Variants in URI1 observed in about 807,000 individuals in gnomAD.
The protein encoded by URI1 is URI1 prefoldin like chaperone.
Under a neutral mutation model 60.2 loss-of-function variants are expected in URI1, and 39 were observed. The observed-to-expected ratio is 0.65, with a 90% confidence interval of 0.50 to 0.85. The LOEUF is 0.85. Ranked by LOEUF, URI1 falls within the 40% of genes least tolerant of loss-of-function variation. The pLI is 0.00. For synonymous variants in URI1, 251 were observed against 236.8 expected (o/e 1.06, Z -0.55); for missense variants, 691 against 665.9 (o/e 1.04, Z -0.42).
chr19:29,967,062 C>A (rs2055399951), intron 1 of URI1, among the ~76,000 whole-genome samples: 1 of 152,098 alleles, frequency 6.6e-6, no homozygotes, highest in Non-Finnish European at 1.5e-5. Flanking sequence ...GGTCTGTCAC[C>A]AATATAAATA....
intron 1 of URI1, among the ~76,000 whole-genome samples, chr19:29,950,752 C>T (rs189704482): frequency 2.0e-5 from 3 of 152,084 alleles, no homozygotes; most frequent in African/African-American, 7.2e-5. Flanking sequence ...TAAAAATGTC[C>T]TTTATAACTC....
chr19:29,924,850 T>G (rs1028036432), intron 1 of URI1, among the ~76,000 whole-genome samples: 2 of 152,256 alleles, frequency 1.3e-5, no homozygotes, highest in Non-Finnish European at 2.9e-5. Context: ...TTTTTAATTT[T>G]TTTTAGATGA....
intron 1 of URI1, among the ~76,000 whole-genome samples, chr19:29,965,309 G>T (rs1202957902): frequency 6.6e-6 from 1 of 152,144 alleles, no homozygotes; most frequent in African/African-American, 2.4e-5. Flanking sequence ...TGGGAGAAGG[G>T]CAGGGTTTCT....
intron 4 of URI1, among the ~76,000 whole-genome samples, chr19:29,992,667 A>G (rs970063032): frequency 1.3e-5 from 2 of 152,220 alleles, no homozygotes; most frequent in African/African-American, 4.8e-5. Context: ...TTTACTCTAA[A>G]TACTTGCTTT....
intron 4 of URI1, among the ~76,000 whole-genome samples, chr19:29,994,366 T>C (rs967535999): frequency 6.7e-6 from 1 of 150,224 alleles, no homozygotes; most frequent in Non-Finnish European, 1.5e-5. Context: ...ACCATCCATC[T>C]CCAGATATTT....
chr19:29,942,630 C>T lies in URI1; in HGVS notation c.83C>T (p.Pro28Leu), dbSNP rs2055045030. 1 of 1,467,490 alleles carries T rather than the reference C, an allele frequency of 6.8e-7. No homozygotes were observed. Among genetic ancestry groups the T allele is most frequent in the Non-Finnish European group, 9.0e-7 (1 of 1,113,642 alleles). 90.9% of individuals were successfully genotyped at this position (1,467,490 alleles called of 1,614,324 possible). A position where few individuals can be genotyped will look rare whatever the true frequency, so the allele number is the denominator to read the frequency against. The change falls in exon 1 of 11, where the codon CCG becomes CTG. Residue 28 changes from proline to leucine, a missense_variant. Transcript: ENST00000392271. ...PAPALVPLRA[P>L]DVARLREEQE... ...CCTGCCCTGGTTCCGTTGCGCGCCC[C>T]GGATGTGGCGCGGCTGCGCGAGGAG...
chr19:29,940,781 A>G (rs1472634214), upstream of URI1, among the ~76,000 whole-genome samples: 3 of 152,300 alleles, frequency 2.0e-5, no homozygotes, highest in African/African-American at 4.8e-5. Context: ...CTACAGGCAC[A>G]GGACTATGTG....
At chr19:29,928,747 A>G (rs1001731520) in intron 1 of URI1, among the ~76,000 whole-genome samples, 3 of 152,206 alleles carry the variant, frequency 2.0e-5, no homozygotes, top group Non-Finnish European at 4.4e-5. Flanking sequence ...CAAATATTAC[A>G]TGGACATACT....
At chr19:29,989,677 T>G (rs2055721141) in intron 4 of URI1, among the ~76,000 whole-genome samples, 1 of 152,188 alleles carries the variant, frequency 6.6e-6, no homozygotes, top group South Asian at 2.1e-4. Flanking sequence ...CGCCTTGTGG[T>G]CCACCCACCT....
intron 1 of URI1, among the ~76,000 whole-genome samples, chr19:29,966,016 G>C (rs1013993316): frequency 6.6e-6 from 1 of 152,210 alleles, no homozygotes; most frequent in African/African-American, 2.4e-5. Context: ...GAACATGTAA[G>C]TGTTTTCAGA....
chr19:29,967,534 G>A (rs547472964), intron 1 of URI1, among the ~76,000 whole-genome samples: 1 of 152,342 alleles, frequency 6.6e-6, no homozygotes, highest in African/African-American at 2.4e-5. Flanking sequence ...TATAATGTTA[G>A]TGAATTGGTG....
chr19:29,973,031 A>G (rs148906386), intron 2 of URI1, among the ~76,000 whole-genome samples: 3 of 152,292 alleles, frequency 2.0e-5, no homozygotes, highest in Non-Finnish European at 2.9e-5. Context: ...TACATGGTAT[A>G]TTGCTCAAAT....
rs1447814505 is a variant in URI1, at chr19:29,971,215, G to C, written c.140G>C (p.Arg47Thr). Residue 47 changes from arginine to threonine, a missense_variant, in exon 2 of 11, where the codon AGA becomes ACA. Physicochemically the swap from Arg to Thr is moderately conservative, Grantham distance 71. Coordinates refer to ENST00000392271, the MANE Select transcript of URI1 (RefSeq NM_003796.3). ...QEKVVTNCQE[R>T]IQHWKKVDND... ...CAGGTGGTCACTAACTGCCAAGAGA[G>C]AATCCAGCATTGGTGAGTGAAAGAT... The C allele has an allele frequency of 1.2e-6, 2 of 1,613,276 alleles. No individual in the cohort carries two copies. The highest frequency in any genetic ancestry group is 2.2e-5 in the South Asian group (2 of 91,042).
At chr19:29,940,685 G>A (rs1173714072), upstream of URI1, among the ~76,000 whole-genome samples, 1 of 152,092 alleles carries the variant, frequency 6.6e-6, no homozygotes, top group Admixed American at 6.6e-5. Context: ...CTGTTTGGAC[G>A]ACATCGCACA....
intron 3 of URI1, among the ~76,000 whole-genome samples, chr19:29,986,033 A>G (rs1325164816): frequency 1.3e-5 from 2 of 152,214 alleles, no homozygotes; most frequent in Non-Finnish European, 2.9e-5. Flanking sequence ...TTTAAGAGCT[A>G]TATGTAAATA....
chr19:30,004,894 C>T (rs966630498), intron 4 of URI1, among the ~76,000 whole-genome samples: 2 of 151,794 alleles, frequency 1.3e-5, no homozygotes, highest in Non-Finnish European at 2.9e-5. Flanking sequence ...GATTATATAC[C>T]GTAAAAAATG....
rs2056078764 is a variant in URI1 at position 30,015,790 on chromosome 19, CTGGAA to C, written c.*723_*727del. On this transcript the variant is annotated 3_prime_UTR_variant, in exon 11 of 11. Transcript: ENST00000392271. ...ATGCTACATGTATCACACAACAGATCTGGAATTCTTTCAGTTCCTCAGATACTTCT... is the reference window on the plus strand; with the variant it reads ...ATGCTACATGTATCACACAACAGATCTTCTTTCAGTTCCTCAGATACTTCT... The C allele has an allele frequency of 8.9e-6, 4 of 447,302 alleles. No homozygotes were observed. Among genetic ancestry groups the C allele is most frequent in the African/African-American group, 6.1e-5 (3 of 49,356 alleles). The allele number at this position is 447,302 out of a possible 1,614,324, so 27.7% of individuals were successfully genotyped here. A position where few individuals can be genotyped will look rare whatever the true frequency, so the allele number is the denominator to read the frequency against.
chr19:29,976,100 T>G (rs1469887565), intron 2 of URI1, among the ~76,000 whole-genome samples: 1 of 151,090 alleles, frequency 6.6e-6, no homozygotes, highest in African/African-American at 2.5e-5. Context: ...AAATGAGACC[T>G]GGAACTATTT....
At chr19:29,977,580 C>A (rs1336721182) in intron 2 of URI1, among the ~76,000 whole-genome samples, 5 of 9,100 alleles carry the variant, frequency 5.5e-4, no homozygotes, top group Non-Finnish European at 5.7e-4. Flanking sequence ...TTTTTTCCCT[C>A]CTCTTGAGCA....
Sources: allele counts gnomAD v4.1 joint callset (sites outside exome capture counted in the v4.1 genomes callset), GRCh38; gene constraint gnomAD v4.1.1; transcripts MANE v1.5; gene names NCBI Gene and HGNC (gene_info 2026-07-23, HGNC 2026-07-21).